Variants in ADAMTS17 observed in about 807,000 individuals in gnomAD.
ADAMTS17 encodes the protein A disintegrin and metalloproteinase with thrombospondin motifs 17.
ADAMTS17 carries 113 observed loss-of-function variants against 141.5 expected under a neutral mutation model. That is an observed-to-expected ratio of 0.80 (90% CI 0.69 to 0.93). ADAMTS17 has a LOEUF of 0.93. Ranked by LOEUF, ADAMTS17 falls within the 40% of genes least tolerant of loss-of-function variation. The probability of loss-of-function intolerance (pLI) is 0.00; values close to 1 mark genes in which losing one functional copy is unlikely to be tolerated. For missense variants in ADAMTS17, 1,659 were observed against 1,517.9 expected (o/e 1.09, Z -1.54); for synonymous variants, 768 against 630.6 (o/e 1.22, Z -3.27).
At chr15:100,078,374 G>A in intron 15 of ADAMTS17, among the ~76,000 whole-genome samples, 1 of 152,106 alleles carries the variant, frequency 6.6e-6, no homozygotes, top group East Asian at 1.9e-4. Flanking sequence ...AAGACAGCAA[G>A]GTAATGGCAT....
In ADAMTS17 at chr15:100,102,126, C is replaced by G. The variant is rs74037366; in HGVS notation, c.2017-5650G>C. 1.8e-3 allele frequency among the ~76,000 whole-genome samples: 270 copies of G among 152,322 alleles called. 3 individuals carry two copies. In the East Asian group the frequency reaches 0.042, roughly 24 times the overall value. ...ATGCTTGCTTGATAGTTTGGCTGCACGGAGAACTCCATAATTATCTCAATT... is the reference window on the plus strand; with the variant it reads ...ATGCTTGCTTGATAGTTTGGCTGCAGGGAGAACTCCATAATTATCTCAATT... On this transcript the variant is annotated intron_variant, in intron 14 of 21. Coordinates refer to ENST00000268070, the MANE Select transcript of ADAMTS17 (RefSeq NM_139057.4).
At position 100,072,051 on chromosome 15, in the gene ADAMTS17, C is replaced by T. The variant is rs62043188; in HGVS notation, c.2138-17997G>A. Among the ~76,000 whole-genome samples the T allele has an allele frequency of 6.7e-5, 10 of 149,292 alleles. 1 individual carries two copies. Among genetic ancestry groups the T allele is most frequent in the East Asian group, 2.0e-4 (1 of 5,128 alleles). ...TCTCCTTGAGCTGATAGGCAACTTCCGCAAAGTCTGAGGATACAAAATCAA... is the reference window on the plus strand; with the variant it reads ...TCTCCTTGAGCTGATAGGCAACTTCTGCAAAGTCTGAGGATACAAAATCAA... On this transcript the variant is annotated intron_variant, in intron 15 of 21. Transcript: ENST00000268070.
At chr15:100,180,129 C>T (rs1471609111) in intron 8 of ADAMTS17, among the ~76,000 whole-genome samples, 1 of 152,178 alleles carries the variant, frequency 6.6e-6, no homozygotes, top group African/African-American at 2.4e-5. Context: ...TGTCTCCCCA[C>T]TGTTTTATCA....
chr15:100,011,026 C>A (rs969321302), intron 18 of ADAMTS17, among the ~76,000 whole-genome samples: 1 of 151,960 alleles, frequency 6.6e-6, no homozygotes, highest in African/African-American at 2.4e-5. Context: ...GGCGGTTCTA[C>A]GTGCAGAGAG....
intron 15 of ADAMTS17, among the ~76,000 whole-genome samples, chr15:100,077,283 CAAAAAAA>C (rs71151934): frequency 0.036 from 1,981 of 54,638 alleles, 98 homozygotes; most frequent in African/African-American, 0.11. Flanking sequence ...ATCTCTACCA[CAAAAAAA>C]AAAAAAAAAA....
chr15:100,017,496 G>A (rs1437933025), intron 18 of ADAMTS17, among the ~76,000 whole-genome samples: 2 of 152,222 alleles, frequency 1.3e-5, no homozygotes, highest in Admixed American at 6.5e-5. Flanking sequence ...GTGCCAGGCA[G>A]GAATGGCCTG....
chr15:100,324,321 A>C (rs77095411), intron 3 of ADAMTS17, among the ~76,000 whole-genome samples: 2 of 152,174 alleles, frequency 1.3e-5, no homozygotes, highest in Non-Finnish European at 2.9e-5. Flanking sequence ...ATAAATAAAT[A>C]GAAAAAAAAA....
chr15:99,983,685 A>T (rs1294648424), intron 20 of ADAMTS17, among the ~76,000 whole-genome samples: 2 of 152,138 alleles, frequency 1.3e-5, no homozygotes. Context: ...GTCTCCCCGC[A>T]CTGGGTCTGG....
intron 12 of ADAMTS17, 143 bp from the exon 13 acceptor site, chr15:100,117,156 C>A: frequency 1.1e-6 from 1 of 920,538 alleles, no homozygotes; most frequent in Non-Finnish European, 1.7e-6. Context: ...TGTTACAGAC[C>A]AAATGCCCAC....
intron 12 of ADAMTS17, chr15:100,128,555 G>T (rs2037866550): frequency 6.6e-6 from 1 of 152,164 alleles, no homozygotes; most frequent in Non-Finnish European, 1.5e-5. Flanking sequence ...ATAAAATACA[G>T]GAAAAAGCAA....
At chr15:100,057,978 C>T (rs901658901) in intron 15 of ADAMTS17, among the ~76,000 whole-genome samples, 4 of 151,984 alleles carry the variant, frequency 2.6e-5, no homozygotes, top group Non-Finnish European at 4.4e-5. Context: ...AAGCTAATCA[C>T]GATGAGGGCA....
At chr15:100,155,938 C>T (rs2141375265) in intron 8 of ADAMTS17, among the ~76,000 whole-genome samples, 1 of 152,314 alleles carries the variant, frequency 6.6e-6, no homozygotes, top group East Asian at 1.9e-4. Context: ...AGCTTATACA[C>T]TTGCCCTCAC....
chr15:100,341,456 C>A, intron 1 of ADAMTS17, 47 bp from the exon 2 acceptor site: 1 of 1,007,750 alleles, frequency 9.9e-7, no homozygotes, highest in Non-Finnish European at 1.2e-6. Flanking sequence ...CCCGCCCGGA[C>A]GCCCGCCCTC....
chr15:100,038,076 C>T (rs1356371842), intron 18 of ADAMTS17, among the ~76,000 whole-genome samples: 1 of 152,202 alleles, frequency 6.6e-6, no homozygotes, highest in African/African-American at 2.4e-5. Context: ...ACTGCATTCT[C>T]TTGCATGTGG....
chr15:100,207,182 A>G (rs920739980), intron 7 of ADAMTS17, among the ~76,000 whole-genome samples: 5 of 151,994 alleles, frequency 3.3e-5, no homozygotes, highest in Non-Finnish European at 4.4e-5. Context: ...AAAGAAGAAG[A>G]GACACTAGAG....
intron 4 of ADAMTS17, among the ~76,000 whole-genome samples, chr15:100,272,588 G>A (rs962097746): frequency 2.1e-5 from 1 of 48,644 alleles, no homozygotes; most frequent in African/African-American, 8.3e-5. Context: ...CTCTCTCTCT[G>A]TGTGTGTAAG....
intron 3 of ADAMTS17, among the ~76,000 whole-genome samples, chr15:100,309,519 G>A (rs1031236072): frequency 3.0e-4 from 45 of 152,316 alleles, no homozygotes; most frequent in African/African-American, 1.1e-3. Context: ...TCAGTCTGGT[G>A]CCTGTCTCAC....
chr15:100,109,681 G>C (rs1339030897), intron 13 of ADAMTS17, among the ~76,000 whole-genome samples: 1 of 152,086 alleles, frequency 6.6e-6, no homozygotes, highest in Non-Finnish European at 1.5e-5. Flanking sequence ...TGCGCCGCTA[G>C]GACAACTTAT....
At position 100,054,897 on chromosome 15, in the gene ADAMTS17, C is replaced by A. The variant is rs76239808; in HGVS notation, c.2138-843G>T. On this transcript the variant is annotated intron_variant, in intron 15 of 21. Transcript: ENST00000268070. ...TGTATTTACTATTTTCTGAGTCGCT[C>A]ACCAGGATTTTTCTTGTGTCTTCCC... Among the ~76,000 whole-genome samples, 1,505 of 152,292 alleles carry A rather than the reference C, an allele frequency of 9.9e-3. 20 individuals are homozygous for A. Among genetic ancestry groups the A allele is most frequent in the African/African-American group, 0.033 (1,376 of 41,558 alleles).
Sources: allele counts gnomAD v4.1 joint callset (sites outside exome capture counted in the v4.1 genomes callset), GRCh38; gene constraint gnomAD v4.1.1; transcripts MANE v1.5; gene names NCBI Gene and HGNC (gene_info 2026-07-23, HGNC 2026-07-21).